The following TMEM132D variants were observed in gnomAD, a reference collection of about 807,000 sequenced individuals.
TMEM132D encodes the protein mature OL transmembrane protein.
In TMEM132D, 21 loss-of-function variants were observed where a neutral mutation model predicts 62.3. That is an observed-to-expected ratio of 0.34 (90% CI 0.24 to 0.49). TMEM132D has a LOEUF of 0.49. TMEM132D is among the 20% of genes least tolerant of loss of function. TMEM132D has a pLI of 0.99. For missense variants in TMEM132D, 1,346 were observed against 1,402.8 expected (o/e 0.96, Z 0.65); for synonymous variants, 621 against 575.6 (o/e 1.08, Z -1.13).
intron 5 of TMEM132D, among the ~76,000 whole-genome samples, chr12:129,165,818 T>C (rs1017362872): frequency 1.3e-5 from 2 of 152,178 alleles, no homozygotes; most frequent in Non-Finnish European, 2.9e-5. Flanking sequence ...TTTTTCTAGG[T>C]TGTTTTCCTT....
intron 3 of TMEM132D, among the ~76,000 whole-genome samples, chr12:129,528,173 A>G (rs1226071179): frequency 1.3e-5 from 2 of 152,304 alleles, no homozygotes; most frequent in East Asian, 3.9e-4. Context: ...CTGAAGCAAA[A>G]CCTACCAATA....
intron 4 of TMEM132D, among the ~76,000 whole-genome samples, chr12:129,330,621 G>T (rs1364723769): frequency 6.6e-6 from 1 of 152,188 alleles, no homozygotes; most frequent in Non-Finnish European, 1.5e-5. Flanking sequence ...AGAGACCTGA[G>T]ACAGCACATT....
chr12:129,140,681 A>G (rs968182382), intron 5 of TMEM132D, among the ~76,000 whole-genome samples: 1 of 152,152 alleles, frequency 6.6e-6, no homozygotes, highest in South Asian at 2.1e-4. Flanking sequence ...TCTGCTAAAA[A>G]TACAAAAATT....
At chr12:129,218,638 T>A (rs1285082681) in intron 4 of TMEM132D, among the ~76,000 whole-genome samples, 1 of 152,244 alleles carries the variant, frequency 6.6e-6, no homozygotes, top group African/African-American at 2.4e-5. Context: ...CCCTTTTGAA[T>A]GAAGTTGACC....
intron 4 of TMEM132D, among the ~76,000 whole-genome samples, chr12:129,285,548 A>ATC (rs1881272172): frequency 6.7e-6 from 1 of 149,564 alleles, no homozygotes; most frequent in Non-Finnish European, 1.5e-5. Context: ...AAAGAGAGAG[A>ATC]GAGAGAGGCT....
At chr12:129,771,245 G>A (rs966324453) in intron 1 of TMEM132D, among the ~76,000 whole-genome samples, 1 of 152,204 alleles carries the variant, frequency 6.6e-6, no homozygotes, top group Admixed American at 6.5e-5. Flanking sequence ...ACAGGGCAGT[G>A]GTTCCATTCC....
intron 4 of TMEM132D, among the ~76,000 whole-genome samples, chr12:129,254,977 G>C (rs915765013): frequency 2.0e-5 from 3 of 152,080 alleles, no homozygotes; most frequent in Non-Finnish European, 4.4e-5. Context: ...TGGATCGTGG[G>C]GGTGGATCCT....
At chr12:129,842,805 T>C (rs1197671912) in intron 1 of TMEM132D, among the ~76,000 whole-genome samples, 1 of 152,168 alleles carries the variant, frequency 6.6e-6, no homozygotes, top group African/African-American at 2.4e-5. Context: ...GCATTGCCGA[T>C]CTCCCCTTTC....
chr12:129,691,144 A>T (rs1181076579), intron 2 of TMEM132D, among the ~76,000 whole-genome samples: 1 of 152,042 alleles, frequency 6.6e-6, no homozygotes, highest in African/African-American at 2.4e-5. Context: ...ATTAAAAAGA[A>T]AATATAACTT....
At chr12:129,445,426 C>T (rs1873068772) in intron 3 of TMEM132D, among the ~76,000 whole-genome samples, 1 of 152,024 alleles carries the variant, frequency 6.6e-6, no homozygotes, top group South Asian at 2.1e-4. Flanking sequence ...GTTTACCTAT[C>T]CTGCACATGT....
intron 3 of TMEM132D, among the ~76,000 whole-genome samples, chr12:129,370,137 G>C (rs1266298046): frequency 6.6e-6 from 1 of 152,152 alleles, no homozygotes; most frequent in East Asian, 1.9e-4. Context: ...TGAAAGCCTT[G>C]ATTTTTAAAC....
intron 3 of TMEM132D, among the ~76,000 whole-genome samples, chr12:129,487,362 T>G (rs1230187713): frequency 2.6e-5 from 4 of 152,178 alleles, no homozygotes; most frequent in Non-Finnish European, 5.9e-5. Context: ...CAGGAGGAAC[T>G]GAAGGGACAA....
chr12:129,261,858 C>G (rs114304494), intron 4 of TMEM132D, among the ~76,000 whole-genome samples: 96 of 152,220 alleles, frequency 6.3e-4, no homozygotes, highest in Non-Finnish European at 1.3e-3. Flanking sequence ...AATACAGTCA[C>G]GTTCTGAAGT....
At chr12:129,733,981 T>C (rs1024492754) in intron 1 of TMEM132D, among the ~76,000 whole-genome samples, 9 of 152,150 alleles carry the variant, frequency 5.9e-5, no homozygotes, top group African/African-American at 1.7e-4. Context: ...ACGGAAGAAC[T>C]AGAAGATGAA....
At chr12:129,459,423 T>C (rs1286046726) in intron 3 of TMEM132D, among the ~76,000 whole-genome samples, 1 of 152,198 alleles carries the variant, frequency 6.6e-6, no homozygotes, top group Non-Finnish European at 1.5e-5. Flanking sequence ...TAGGTACTGA[T>C]GCTATGCAGG....
intron 5 of TMEM132D, among the ~76,000 whole-genome samples, chr12:129,191,743 A>T (rs919475771): frequency 6.6e-6 from 1 of 151,686 alleles, no homozygotes; most frequent in African/African-American, 2.4e-5. Flanking sequence ...ACAGGATATA[A>T]TGAACCATAC....
intron 4 of TMEM132D, among the ~76,000 whole-genome samples, chr12:129,321,805 C>G (rs1007490318): frequency 4.6e-5 from 7 of 152,180 alleles, no homozygotes; most frequent in African/African-American, 1.7e-4. Context: ...GTGATCCACC[C>G]GCCTCGGCCT....
At chr12:129,079,153 C>G (rs58047598) in intron 7 of TMEM132D, among the ~76,000 whole-genome samples, 1 of 152,118 alleles carries the variant, frequency 6.6e-6, no homozygotes, top group African/African-American at 2.4e-5. Flanking sequence ...CAGTGAATGA[C>G]GGGTTGGGTG....
intron 5 of TMEM132D, among the ~76,000 whole-genome samples, chr12:129,131,026 T>A (rs1193513402): frequency 6.6e-6 from 1 of 152,104 alleles, no homozygotes; most frequent in African/African-American, 2.4e-5. Flanking sequence ...TGTTTTTCTG[T>A]GCCCCCAGGC....
Sources: allele counts gnomAD v4.1 joint callset (sites outside exome capture counted in the v4.1 genomes callset), GRCh38; gene constraint gnomAD v4.1.1; transcripts MANE v1.5; gene names NCBI Gene and HGNC (gene_info 2026-07-23, HGNC 2026-07-21).